SCFD2: variants seen among roughly 807,000 people sequenced by gnomAD.
SCFD2 encodes the protein sec1 family domain containing 2, also known as sec1 family domain-containing protein 2.
In SCFD2, 54 loss-of-function variants were observed where a neutral mutation model predicts 58.9. That is an observed-to-expected ratio of 0.92 (90% CI 0.74 to 1.15). The LOEUF (loss-of-function observed/expected upper bound fraction) is 1.15, where lower values mean the gene tolerates loss of function less well. Among genes scored for constraint, SCFD2 ranks in the 50% most tolerant of loss-of-function variants. SCFD2 has a pLI of 0.00. For missense variants in SCFD2, 805 were observed against 836.6 expected, an observed-to-expected ratio of 0.96 and a Z score of 0.47; for synonymous variants, 321 against 335.9, an observed-to-expected ratio of 0.96 and a Z score of 0.49.
intron 5 of SCFD2, among the ~76,000 whole-genome samples, chr4:53,041,064 T>C (rs1029733122): frequency 6.6e-6 from 1 of 152,330 alleles, no homozygotes; most frequent in African/African-American, 2.4e-5. Flanking sequence ...ATAAAGACTT[T>C]TATTATGTGA....
intron 5 of SCFD2, among the ~76,000 whole-genome samples, chr4:53,035,642 A>G (rs142315413): frequency 0.032 from 4,926 of 152,298 alleles, 158 homozygotes; most frequent in Non-Finnish European, 0.048. Context: ...AAAAACAAAC[A>G]ACCCCATCAA....
At chr4:52,913,234 G>C (rs138100048) in intron 6 of SCFD2, among the ~76,000 whole-genome samples, 2 of 152,114 alleles carry the variant, frequency 1.3e-5, no homozygotes, top group Non-Finnish European at 2.9e-5. Context: ...CTACTGGTTC[G>C]TGGCCTGTTA....
rs776286326 is a variant in SCFD2 at position 53,083,439 on chromosome 4, A to T, written c.1561+61894T>A. ...AAAAAAGAAGGAGGGAATACTTCCAACCTTATTCTGTGAGGTCACTATTAC... is the reference window on the plus strand; with the variant it reads ...AAAAAAGAAGGAGGGAATACTTCCATCCTTATTCTGTGAGGTCACTATTAC... On this transcript the variant is annotated intron_variant, in intron 5 of 8. Coordinates refer to ENST00000401642, the MANE Select transcript of SCFD2 (RefSeq NM_152540.4). Among the ~76,000 whole-genome samples, 29 of 152,292 alleles carry T rather than the reference A, an allele frequency of 1.9e-4. 1 individual carries two copies. The highest frequency in any genetic ancestry group is 2.6e-4 in the Non-Finnish European group (18 of 68,014).
chr4:53,211,261 A>G (rs2148980892), intron 4 of SCFD2, among the ~76,000 whole-genome samples: 1 of 142,408 alleles, frequency 7.0e-6, no homozygotes, highest in South Asian at 2.2e-4. Flanking sequence ...AAAAAATCCA[A>G]GAGAACTGTG....
chr4:53,263,151 C>A (rs1335238984), intron 4 of SCFD2, among the ~76,000 whole-genome samples: 2 of 151,924 alleles, frequency 1.3e-5, no homozygotes, highest in East Asian at 3.9e-4. Context: ...TTTTTCCTTT[C>A]ATATCCTATA....
At chr4:52,972,825 C>T (rs1721140839) in intron 5 of SCFD2, among the ~76,000 whole-genome samples, 1 of 152,170 alleles carries the variant, frequency 6.6e-6, no homozygotes, top group Non-Finnish European at 1.5e-5. Flanking sequence ...GTCTCTGAGA[C>T]CACAGTGCAA....
chr4:53,127,454 C>A (rs959495080), intron 5 of SCFD2, among the ~76,000 whole-genome samples: 2 of 152,128 alleles, frequency 1.3e-5, no homozygotes, highest in Admixed American at 1.3e-4. Flanking sequence ...TGAGATACAA[C>A]GTTGAGCAAA....
At chr4:53,249,279 A>G (rs1730253146) in intron 4 of SCFD2, among the ~76,000 whole-genome samples, 1 of 149,016 alleles carries the variant, frequency 6.7e-6, no homozygotes, top group African/African-American at 2.4e-5. Flanking sequence ...AGAAACGAAC[A>G]AAGCCTCCAA....
At chr4:52,986,241 A>G (rs1376740900) in intron 5 of SCFD2, among the ~76,000 whole-genome samples, 1 of 151,540 alleles carries the variant, frequency 6.6e-6, no homozygotes, top group East Asian at 1.9e-4. Flanking sequence ...TTTTTTTTTA[A>G]TAGTCATCGA....
chr4:52,956,182 T>C (rs947178665), intron 5 of SCFD2: 2 of 456,602 alleles, frequency 4.4e-6, no homozygotes, highest in African/African-American at 4.0e-5. Flanking sequence ...GCTCACAGAA[T>C]GGTCATCCCT....
At chr4:53,017,244 G>A (rs1322260412) in intron 5 of SCFD2, among the ~76,000 whole-genome samples, 1 of 152,192 alleles carries the variant, frequency 6.6e-6, no homozygotes, top group African/African-American at 2.4e-5. Flanking sequence ...ATCCAGGGGT[G>A]GAGGTAGTTA....
At chr4:53,269,994 C>A (rs1315070012) in intron 4 of SCFD2, among the ~76,000 whole-genome samples, 2 of 152,096 alleles carry the variant, frequency 1.3e-5, no homozygotes, top group Non-Finnish European at 2.9e-5. Flanking sequence ...CCACTGCACT[C>A]CAACCTGGGT....
In SCFD2 at chr4:52,885,795, T is replaced by A; in HGVS notation, c.1914A>T (p.Glu638Asp). 1 of 1,614,114 alleles carries A rather than the reference T, an allele frequency of 6.2e-7. No homozygotes were observed. The highest frequency in any genetic ancestry group is 8.5e-7 in the Non-Finnish European group (1 of 1,179,974). Residue 638 changes from glutamate to aspartate, a missense_variant, in exon 8 of 9, where the codon GAA becomes GAT. Physicochemically the swap from Glu to Asp is conservative, Grantham distance 45. This residue lies in a region of SCFD2 where 633 missense variants were observed against 646.8 expected (regional missense o/e 0.98). Transcript: ENST00000401642. ...LFVVGGVTVS[E>D]VKMVKDLVAS... ...CCACAAGATCTTTGACCATTTTCAC[T>A]TCAGAGACTGTGACCCCACCTACCA... is the stretch of plus-strand genomic sequence containing the variant.
intron 5 of SCFD2, among the ~76,000 whole-genome samples, chr4:52,958,473 T>G (rs1157800266): frequency 6.6e-6 from 1 of 152,178 alleles, no homozygotes; most frequent in Non-Finnish European, 1.5e-5. Context: ...GCAGTAACAT[T>G]CCATAACATG....
chr4:52,920,003 G>A (rs182810861), intron 6 of SCFD2, among the ~76,000 whole-genome samples: 1 of 152,278 alleles, frequency 6.6e-6, no homozygotes, highest in African/African-American at 2.4e-5. Flanking sequence ...AGAAACATTT[G>A]TTCTTCCCTG....
chr4:53,089,691 A>G (rs1724416673), intron 5 of SCFD2, among the ~76,000 whole-genome samples: 2 of 152,330 alleles, frequency 1.3e-5, no homozygotes, highest in Admixed American at 6.5e-5. Flanking sequence ...CTAGGAAAAA[A>G]TTGCTTGAAA....
In SCFD2 at chr4:53,145,564, T is replaced by C; in HGVS notation, c.1330A>G (p.Met444Val). 1.2e-6 allele frequency: 2 copies of C among 1,613,876 alleles called. No individual in the cohort carries two copies. Among genetic ancestry groups the C allele is most frequent in the Non-Finnish European group, 1.7e-6 (2 of 1,179,914 alleles). Residue 444 changes from methionine (M) to valine (V), a missense_variant, in exon 5 of 9, where the codon ATG becomes GTG. By Grantham distance (21) the Met-to-Val change is conservative. Transcript: ENST00000401642. The part of the protein sequence containing the change: ...LLLQSIGESA[M>V]SVVLNQLLPM... ...AGCAGCTGATTTAACACAACGGACA[T>C]TGCTGACTCCCCAATGCTCTAAAAT...
chr4:53,178,999 G>T (rs1008579215), intron 4 of SCFD2, among the ~76,000 whole-genome samples: 1 of 152,228 alleles, frequency 6.6e-6, no homozygotes, highest in South Asian at 2.1e-4. Context: ...ATGGGACTCT[G>T]TGAAAAGAGC....
At chr4:53,278,370 A>G (rs1189505121) in intron 3 of SCFD2, among the ~76,000 whole-genome samples, 1 of 121,154 alleles carries the variant, frequency 8.3e-6, no homozygotes, top group African/African-American at 3.1e-5. Context: ...AAAAAAAAAA[A>G]AAAGAAAAAA....
Sources: allele counts gnomAD v4.1 joint callset (sites outside exome capture counted in the v4.1 genomes callset), GRCh38; gene constraint gnomAD v4.1.1; regional missense constraint gnomAD v4.1.1; transcripts MANE v1.5; gene names NCBI Gene and HGNC (gene_info 2026-07-23, HGNC 2026-07-21).